NCALD: variants seen among roughly 807,000 people sequenced by gnomAD.
The protein encoded by NCALD is neurocalcin delta.
Under a neutral mutation model 18.6 loss-of-function variants are expected in NCALD, and 10 were observed. The ratio of observed to expected loss-of-function variants is 0.54; its 90% confidence interval spans 0.33 to 0.91. The LOEUF (loss-of-function observed/expected upper bound fraction) is 0.91, where lower values mean the gene tolerates loss of function less well. NCALD is among the 40% of genes least tolerant of loss of function. The pLI, the probability that NCALD is intolerant of heterozygous loss-of-function variation, is 0.03. For synonymous variants in NCALD, 88 were observed against 87.4 expected (o/e 1.01, Z -0.04); for missense variants, 184 against 247.6 (o/e 0.74, Z 1.72).
At chr8:101,906,440 A>G (rs978098854) in intron 3 of NCALD, among the ~76,000 whole-genome samples, 9 of 152,208 alleles carry the variant, frequency 5.9e-5, no homozygotes, top group Non-Finnish European at 1.2e-4. Context: ...TCCAGTTGCA[A>G]TGATGACTCA....
At chr8:102,011,055 C>A (rs1251829812) in intron 2 of NCALD, among the ~76,000 whole-genome samples, 1 of 152,150 alleles carries the variant, frequency 6.6e-6, no homozygotes, top group Non-Finnish European at 1.5e-5. Flanking sequence ...AAGACAGACC[C>A]ACAGGAAACA....
chr8:101,936,067 G>C (rs1451955483), intron 2 of NCALD, among the ~76,000 whole-genome samples: 1 of 152,112 alleles, frequency 6.6e-6, no homozygotes, highest in African/African-American at 2.4e-5. Flanking sequence ...GAAGTTCTTT[G>C]ATTGCCTCAT....
chr8:101,786,873 T>A (rs886524076), intron 1 of NCALD, among the ~76,000 whole-genome samples: 1 of 152,158 alleles, frequency 6.6e-6, no homozygotes, highest in East Asian at 1.9e-4. Context: ...TAATGTAAAC[T>A]AAATTTTAAA....
At chr8:101,718,521 C>T (rs1446894526) in intron 2 of NCALD, among the ~76,000 whole-genome samples, 2 of 152,090 alleles carry the variant, frequency 1.3e-5, no homozygotes, top group African/African-American at 2.4e-5. Context: ...CATCAGCCCA[C>T]GAAGACTAAA....
At chr8:101,692,667 C>A in intron 3 of NCALD, 124 bp downstream of exon 3, 1 of 1,388,082 alleles carries the variant, frequency 7.2e-7, no homozygotes, top group Non-Finnish European at 9.7e-7. Flanking sequence ...CTCCTACCCA[C>A]CCAGGAGGCT....
chr8:101,870,245 C>G (rs1815948136), intron 4 of NCALD, among the ~76,000 whole-genome samples: 1 of 152,086 alleles, frequency 6.6e-6, no homozygotes, highest in South Asian at 2.1e-4. Flanking sequence ...AGAAAAATGA[C>G]TTTTTTCCTT....
At chr8:101,804,385 T>C (rs1180229381) in intron 4 of NCALD, among the ~76,000 whole-genome samples, 1 of 137,162 alleles carries the variant, frequency 7.3e-6, no homozygotes, top group Non-Finnish European at 1.5e-5. Flanking sequence ...TATGTTACTA[T>C]ATATAGAAAT....
At chr8:102,004,275 C>G (rs932819406) in intron 2 of NCALD, among the ~76,000 whole-genome samples, 1 of 152,210 alleles carries the variant, frequency 6.6e-6, no homozygotes, top group Non-Finnish European at 1.5e-5. Flanking sequence ...AACTCCCATT[C>G]ACAACTGCTT....
chr8:101,910,489 G>C (rs1257798674), intron 3 of NCALD, among the ~76,000 whole-genome samples: 3 of 152,028 alleles, frequency 2.0e-5, no homozygotes, highest in Non-Finnish European at 4.4e-5. Flanking sequence ...TGTCTTCCCA[G>C]ACTGCCACAG....
chr8:101,881,755 C>G (rs772691892), intron 4 of NCALD, among the ~76,000 whole-genome samples: 20 of 152,254 alleles, frequency 1.3e-4, no homozygotes, highest in Admixed American at 2.6e-4. Flanking sequence ...CATATTATCA[C>G]GTTAGAATTT....
intron 4 of NCALD, among the ~76,000 whole-genome samples, chr8:101,800,177 A>T (rs1474647740): frequency 2.6e-5 from 4 of 152,218 alleles, no homozygotes; most frequent in African/African-American, 7.2e-5. Context: ...AACCTAAAGA[A>T]ATACTAATTT....
At chr8:101,808,262 G>T (rs924218824) in intron 4 of NCALD, among the ~76,000 whole-genome samples, 1 of 152,100 alleles carries the variant, frequency 6.6e-6, no homozygotes. Context: ...CAGTAACAGT[G>T]AGCTCTCCAT....
At chr8:102,080,237 C>T (rs1824481868) in intron 1 of NCALD, among the ~76,000 whole-genome samples, 1 of 152,206 alleles carries the variant, frequency 6.6e-6, no homozygotes, top group Admixed American at 6.5e-5. Flanking sequence ...TTCCATTATT[C>T]CGTACAACCC....
chr8:101,757,279 T>C (rs11782123), intron 1 of NCALD, among the ~76,000 whole-genome samples: 114,055 of 152,096 alleles, frequency 0.75, 42,917 homozygotes, highest in East Asian at 0.78. Flanking sequence ...AAGTACTAGT[T>C]TCTCTTTTAA....
At chr8:101,733,353 C>T (rs1816928662) in intron 1 of NCALD, among the ~76,000 whole-genome samples, 1 of 152,158 alleles carries the variant, frequency 6.6e-6, no homozygotes. Context: ...CAGAACAACT[C>T]CACTGAAGTT....
intron 1 of NCALD, among the ~76,000 whole-genome samples, chr8:102,038,045 T>C (rs1343119505): frequency 6.6e-6 from 1 of 152,170 alleles, no homozygotes; most frequent in Non-Finnish European, 1.5e-5. Context: ...TTTGCAGGAA[T>C]GTAAGCTTCA....
At chr8:101,708,208 TG>T (rs1815622467) in intron 2 of NCALD, among the ~76,000 whole-genome samples, 1 of 152,188 alleles carries the variant, frequency 6.6e-6, no homozygotes, top group Non-Finnish European at 1.5e-5. Context: ...CCTGGAAACA[TG>T]ATTATTTCTT....
At chr8:101,741,678 G>C (rs75471333) in intron 1 of NCALD, among the ~76,000 whole-genome samples, 5,056 of 146,114 alleles carry the variant, frequency 0.035, 184 homozygotes, top group African/African-American at 0.092. Context: ...CATTTTCCCA[G>C]CATTTTGGGA....
chr8:102,089,110 A>G (rs1439252266), intron 1 of NCALD, among the ~76,000 whole-genome samples: 2 of 152,194 alleles, frequency 1.3e-5, no homozygotes, highest in Admixed American at 1.3e-4. Flanking sequence ...AAACAGGCAA[A>G]TAGGCCGGGT....
Sources: gnomAD v4.1 joint callset for allele counts (sites outside exome capture counted in the v4.1 genomes callset) on GRCh38, gnomAD v4.1.1 for gene constraint, MANE v1.5 for transcripts, NCBI Gene and HGNC (gene_info 2026-07-23, HGNC 2026-07-21) for gene names.